Variants in CPNE4 observed in about 807,000 individuals in gnomAD.
CPNE4 encodes copine-4.
CPNE4 carries 25 observed loss-of-function variants against 67.9 expected under a neutral mutation model. That is an observed-to-expected ratio of 0.37 (90% CI 0.27 to 0.51). The LOEUF is 0.51. Ranked by LOEUF, CPNE4 falls within the 20% of genes least tolerant of loss-of-function variation. The pLI, the probability that CPNE4 is intolerant of heterozygous loss-of-function variation, is 0.93. For missense variants in CPNE4, 464 were observed against 690.8 expected, an observed-to-expected ratio of 0.67 and a Z score of 3.68; for synonymous variants, 242 against 244.9, an observed-to-expected ratio of 0.99 and a Z score of 0.11.
chr3:131,949,084 G>T (rs949659866), intron 1 of CPNE4, among the ~76,000 whole-genome samples: 5 of 152,114 alleles, frequency 3.3e-5, no homozygotes, highest in African/African-American at 1.2e-4. Context: ...GCAGGGTATT[G>T]TCATGATTAT....
intron 2 of CPNE4, among the ~76,000 whole-genome samples, chr3:131,822,165 AT>A (rs920251657): frequency 7.2e-5 from 11 of 152,102 alleles, no homozygotes; most frequent in African/African-American, 2.7e-4. Flanking sequence ...GTACAATAAA[AT>A]TTTTTTTCAA....
Position 131,559,275 on chromosome 3 carries a change from GTTAT to G in CPNE4, c.1062-3728_1062-3725del, listed in dbSNP as rs1356321132. Reference sequence around the variant, plus strand: ...AGAATTGAGTAATACTGCTAGACAAGTTATTTATTTCCATACACTTATTTATAAG... The same window carrying G: ...AGAATTGAGTAATACTGCTAGACAAGTTATTTCCATACACTTATTTATAAG... On this transcript the variant is annotated intron_variant, in intron 11 of 15. Coordinates refer to ENST00000429747, the MANE Select transcript of CPNE4 (RefSeq NM_130808.3). Among the ~76,000 whole-genome samples, 16 of 152,088 alleles carry G rather than the reference GTTAT, an allele frequency of 1.1e-4. No individual in the cohort carries two copies. The South Asian group carries it at 2.1e-3, about 20-fold the overall frequency.
At chr3:131,715,421 T>C (rs1325024364) in intron 3 of CPNE4, among the ~76,000 whole-genome samples, 1 of 152,198 alleles carries the variant, frequency 6.6e-6, no homozygotes, top group Non-Finnish European at 1.5e-5. Flanking sequence ...TACTTGATCA[T>C]TTATACTAGT....
At chr3:131,642,503 G>A (rs973627262) in intron 7 of CPNE4, among the ~76,000 whole-genome samples, 20 of 152,148 alleles carry the variant, frequency 1.3e-4, no homozygotes, top group Non-Finnish European at 2.6e-4. Flanking sequence ...GTCTACTTGT[G>A]AAATCCTAAC....
chr3:131,740,491 C>T (rs1287677504), intron 2 of CPNE4, among the ~76,000 whole-genome samples: 3 of 152,178 alleles, frequency 2.0e-5, no homozygotes, highest in Non-Finnish European at 2.9e-5. Flanking sequence ...ATACCAAATG[C>T]ATCCTTTCCT....
chr3:131,898,575 T>G (rs142802644), intron 2 of CPNE4, among the ~76,000 whole-genome samples: 1 of 152,234 alleles, frequency 6.6e-6, no homozygotes, highest in Non-Finnish European at 1.5e-5. Flanking sequence ...TTCTCAGACA[T>G]TATGACACTG....
chr3:132,036,837 T>G (rs1041662360), upstream of CPNE4, among the ~76,000 whole-genome samples: 16 of 152,194 alleles, frequency 1.1e-4, no homozygotes, highest in Admixed American at 6.5e-5. Flanking sequence ...ACTTCTTATA[T>G]TACAGGTGAG....
At chr3:131,656,064 T>C (rs1160613350) in intron 7 of CPNE4, among the ~76,000 whole-genome samples, 3 of 151,786 alleles carry the variant, frequency 2.0e-5, no homozygotes, top group Admixed American at 6.6e-5. Flanking sequence ...TTTTTTTTTT[T>C]TTTTTTGTGA....
intron 2 of CPNE4, among the ~76,000 whole-genome samples, chr3:131,794,777 T>G (rs1014538694): frequency 6.6e-6 from 1 of 152,168 alleles, no homozygotes; most frequent in Non-Finnish European, 1.5e-5. Flanking sequence ...AGTTGAGGCT[T>G]GAGTACTAGG....
intron 2 of CPNE4, among the ~76,000 whole-genome samples, chr3:131,848,834 A>C (rs1419599429): frequency 6.6e-6 from 1 of 151,764 alleles, no homozygotes; most frequent in African/African-American, 2.4e-5. Context: ...GTTCTGAAAA[A>C]TCTACAAGCA....
chr3:131,791,145 G>A (rs1170455337), intron 2 of CPNE4, among the ~76,000 whole-genome samples: 3 of 152,144 alleles, frequency 2.0e-5, no homozygotes, highest in African/African-American at 4.8e-5. Context: ...ATGTATCCAT[G>A]AATAAATATG....
At chr3:131,987,670 T>C (rs1325202070) in intron 1 of CPNE4, among the ~76,000 whole-genome samples, 2 of 152,032 alleles carry the variant, frequency 1.3e-5, no homozygotes, top group African/African-American at 2.4e-5. Context: ...TTAGAATAAA[T>C]ACCAGGCACC....
At chr3:131,780,749 T>C (rs1289751189) in intron 2 of CPNE4, among the ~76,000 whole-genome samples, 1 of 152,068 alleles carries the variant, frequency 6.6e-6, no homozygotes, top group Non-Finnish European at 1.5e-5. Flanking sequence ...CAAAATTACC[T>C]GTACATTTTG....
At chr3:131,569,765 T>A (rs895041680) in intron 10 of CPNE4, among the ~76,000 whole-genome samples, 2 of 151,882 alleles carry the variant, frequency 1.3e-5, no homozygotes, top group South Asian at 2.1e-4. Flanking sequence ...TTTTTAGGTT[T>A]GAAGGTCAGT....
intron 5 of CPNE4, among the ~76,000 whole-genome samples, chr3:131,696,044 A>G (rs928612692): frequency 2.6e-5 from 4 of 152,222 alleles, no homozygotes; most frequent in African/African-American, 9.6e-5. Flanking sequence ...GGTTTGGAAA[A>G]TGAATGATGA....
At chr3:131,689,432 G>A (rs1021900903) in intron 5 of CPNE4, among the ~76,000 whole-genome samples, 1 of 152,018 alleles carries the variant, frequency 6.6e-6, no homozygotes, top group Admixed American at 6.6e-5. Context: ...TTGGTTCAAC[G>A]TACACATATC....
chr3:131,576,098 G>GT (rs1349377959), intron 9 of CPNE4, among the ~76,000 whole-genome samples: 4 of 152,112 alleles, frequency 2.6e-5, no homozygotes, highest in Non-Finnish European at 4.4e-5. Context: ...GCCAGTAACT[G>GT]TAATTTTTGA....
chr3:131,808,693 C>G (rs1173050684), intron 2 of CPNE4, among the ~76,000 whole-genome samples: 1 of 152,012 alleles, frequency 6.6e-6, no homozygotes, highest in Non-Finnish European at 1.5e-5. Flanking sequence ...AGGGAAAAAG[C>G]AGTAAAGAAA....
intron 3 of CPNE4, among the ~76,000 whole-genome samples, chr3:131,717,894 CTT>C (rs765216373): frequency 0.17 from 14,496 of 87,692 alleles, 1,538 homozygotes; most frequent in Non-Finnish European, 0.24. Flanking sequence ...TTCTTTCTTT[CTT>C]TCTTTCTTTC....
Sources: allele counts gnomAD v4.1 joint callset (sites outside exome capture counted in the v4.1 genomes callset), GRCh38; gene constraint gnomAD v4.1.1; transcripts MANE v1.5; gene names NCBI Gene and HGNC (gene_info 2026-07-23, HGNC 2026-07-21).